The following COL12A1 variants were observed in gnomAD, a reference collection of about 807,000 sequenced individuals.
COL12A1 encodes collagen type XII alpha 1 chain.
In COL12A1, 114 loss-of-function variants were observed where a neutral mutation model predicts 349.7. The observed-to-expected ratio is 0.33, with a 90% confidence interval of 0.28 to 0.38. The LOEUF (loss-of-function observed/expected upper bound fraction) is 0.38, where lower values mean the gene tolerates loss of function less well. Ranked by LOEUF, COL12A1 falls within the 10% of genes least tolerant of loss-of-function variation. The pLI, the probability that COL12A1 is intolerant of heterozygous loss-of-function variation, is 1.00. For synonymous variants in COL12A1, 1,369 were observed against 1,329.0 expected, an observed-to-expected ratio of 1.03 and a Z score of -0.66; for missense variants, 3,284 against 3,756.9, an observed-to-expected ratio of 0.87 and a Z score of 3.29.
chr6:75,151,261 A>T lies in COL12A1; in HGVS notation c.4027T>A (p.Leu1343Ile), dbSNP rs766402601. The change falls in exon 21 of 66, where the codon TTA becomes ATA. Residue 1343 changes from leucine (L) to isoleucine (I), a missense_variant. Leu to Ile is a conservative substitution (Grantham distance 5). Around this residue, in one of 2 missense-constraint regions of COL12A1, gnomAD observed 2,601 missense variants for 2,824.8 expected, o/e 0.92. Coordinates refer to ENST00000322507, the MANE Select transcript of COL12A1 (RefSeq NM_004370.6). ...IGIKNADEVE[L>I]KMIATDPDDT... Reference sequence around the variant, plus strand: ...TCAGGATCAGTTGCAATCATCTTTAATTCGACTTCATCAGCATTTTTAATA... The same window carrying T: ...TCAGGATCAGTTGCAATCATCTTTATTTCGACTTCATCAGCATTTTTAATA... 11 of 1,613,176 alleles carry T rather than the reference A, an allele frequency of 6.8e-6. No individual in the cohort carries two copies. The highest frequency in any genetic ancestry group is 8.5e-6 in the Non-Finnish European group (10 of 1,179,458).
At chr6:75,131,264 T>C (rs569109903) in intron 35 of COL12A1, among the ~76,000 whole-genome samples, 9 of 152,282 alleles carry the variant, frequency 5.9e-5, no homozygotes, top group African/African-American at 1.2e-4. Context: ...GCAAAGCTCA[T>C]GATATTTCCC....
intron 45 of COL12A1, 56 bp from the exon 46 acceptor site, chr6:75,119,242 G>GC: frequency 6.2e-7 from 1 of 1,612,456 alleles, no homozygotes; most frequent in Non-Finnish European, 8.5e-7. Flanking sequence ...CTACCCAAAT[G>GC]CCATTAGTCA....
intron 39 of COL12A1, 100 bp from the exon 40 acceptor site, chr6:75,125,373 G>A (rs577654323): frequency 1.4e-5 from 16 of 1,129,540 alleles, no homozygotes; most frequent in Middle Eastern, 2.4e-4. Flanking sequence ...TTATGAACAC[G>A]ATTAATTCCA....
chr6:75,097,050 G>A (rs1180530352), intron 59 of COL12A1, among the ~76,000 whole-genome samples: 1 of 152,108 alleles, frequency 6.6e-6, no homozygotes, highest in Non-Finnish European at 1.5e-5. Flanking sequence ...TTTCTCAAGT[G>A]TAACTTGATT....
At chr6:75,109,952 T>C (rs1250149369) in intron 51 of COL12A1, among the ~76,000 whole-genome samples, 1 of 152,020 alleles carries the variant, frequency 6.6e-6, no homozygotes, top group Non-Finnish European at 1.5e-5. Flanking sequence ...GGCAGCAAAT[T>C]AAAAGGAACA....
chr6:75,148,415 G>A lies in COL12A1; in HGVS notation c.4230C>T (p.Asp1410=). The part of the protein sequence containing the change: ...SFRVSWTPPS[D]SVDRYKVEYY... ...ATTCCACCTTATATCGATCCACACT[G>A]TCAGAAGGTGGTGTCCAGCTCACTC... Residue 1410 remains aspartate, a synonymous_variant, in exon 22 of 66, where the codon GAC becomes GAT. Transcript: ENST00000322507. The A allele has an allele frequency of 1.9e-6, 3 of 1,613,408 alleles. No homozygotes were observed. Among genetic ancestry groups the A allele is most frequent in the Non-Finnish European group, 2.5e-6 (3 of 1,179,458 alleles).
intron 51 of COL12A1, among the ~76,000 whole-genome samples, chr6:75,110,030 A>G (rs1768754973): frequency 6.6e-6 from 1 of 152,022 alleles, no homozygotes; most frequent in Non-Finnish European, 1.5e-5. Context: ...TAAACTAAAT[A>G]TTTTTCCCAC....
At position 75,203,583 on chromosome 6, in the gene COL12A1, G is replaced by A. The variant is rs141449741; in HGVS notation, c.-35-756C>T. Reference sequence around the variant, plus strand: ...TTGTATTTAACTGTTTATTTAAGCTGGAAGATTATTAGTATACATACCCCA... The same window carrying A: ...TTGTATTTAACTGTTTATTTAAGCTAGAAGATTATTAGTATACATACCCCA... On this transcript the variant is annotated intron_variant, in intron 1 of 65. Transcript: ENST00000322507. Among the ~76,000 whole-genome samples, 644 of 152,206 alleles carry A rather than the reference G, an allele frequency of 4.2e-3. 4 individuals are homozygous for A. Among genetic ancestry groups the A allele is most frequent in the African/African-American group, 0.014 (594 of 41,512 alleles).
At chr6:75,135,000 C>G in intron 31 of COL12A1, 145 bp from the exon 32 acceptor site, 1 of 698,246 alleles carries the variant, frequency 1.4e-6, no homozygotes, top group African/African-American at 1.8e-5. Flanking sequence ...TTAACATACA[C>G]CTTGTGGTAT....
Position 75,183,883 on chromosome 6 carries a change from T to A in COL12A1, c.1259A>T (p.Glu420Val). ...MTSSEPISIM[E>V]KTQPMKVQVE... ...TTGAACTTTCATTGGCTGAGTCTTC[T>A]CCATTATTGAAATGGGTTCACTGGA... is the stretch of plus-strand genomic sequence containing the variant. Residue 420 changes from glutamate (E) to valine (V), a missense_variant, in exon 9 of 66, where the codon GAG (glutamate) becomes GTG (valine). Transcript: ENST00000322507. 3.7e-6 allele frequency: 6 copies of A among 1,614,212 alleles called. No individual in the cohort carries two copies. The highest frequency in any genetic ancestry group is 5.1e-6 in the Non-Finnish European group (6 of 1,180,028).
intron 65 of COL12A1, among the ~76,000 whole-genome samples, 181 bp from the exon 66 acceptor site, chr6:75,086,738 A>C (rs572088293): frequency 1.3e-5 from 2 of 151,248 alleles, no homozygotes; most frequent in South Asian, 4.2e-4. Flanking sequence ...TAAAGAATTA[A>C]ATTGCAATTT....
intron 8 of COL12A1, among the ~76,000 whole-genome samples, chr6:75,186,730 A>G (rs142588264): frequency 3.9e-4 from 60 of 152,334 alleles, no homozygotes; most frequent in African/African-American, 1.3e-3. Context: ...AACCCTATCA[A>G]TGATAGACTG....
At chr6:75,178,277 C>A (rs1022385808) in intron 11 of COL12A1, among the ~76,000 whole-genome samples, 2 of 152,134 alleles carry the variant, frequency 1.3e-5, no homozygotes, top group Admixed American at 6.5e-5. Flanking sequence ...CAAGTCATTT[C>A]TTTGAATATA....
chr6:75,204,417 T>G (rs1041727547), intron 1 of COL12A1, among the ~76,000 whole-genome samples: 2 of 152,144 alleles, frequency 1.3e-5, no homozygotes, highest in African/African-American at 4.8e-5. Flanking sequence ...GATCGCCACC[T>G]GTCGCTTTCC....
intron 23 of COL12A1, among the ~76,000 whole-genome samples, chr6:75,147,268 C>G (rs1158678228): frequency 1.3e-5 from 2 of 152,224 alleles, no homozygotes; most frequent in Non-Finnish European, 2.9e-5. Flanking sequence ...TTCCTCATAT[C>G]TTACTCCTGA....
chr6:75,123,906 C>A (rs747659553), intron 42 of COL12A1, 42 bp downstream of exon 42: 1 of 1,580,056 alleles, frequency 6.3e-7, no homozygotes, highest in Non-Finnish European at 8.6e-7. Flanking sequence ...GCATTCTATT[C>A]TAAAGCCTTA....
chr6:75,193,388 T>TA (rs1355207666), intron 3 of COL12A1, among the ~76,000 whole-genome samples: 1 of 152,122 alleles, frequency 6.6e-6, no homozygotes, highest in African/African-American at 2.4e-5. Flanking sequence ...ATCATCTTTT[T>TA]AAAAAAAGCT....
intron 14 of COL12A1, among the ~76,000 whole-genome samples, chr6:75,157,410 C>A: frequency 6.7e-6 from 1 of 149,782 alleles, no homozygotes; most frequent in East Asian, 2.0e-4. Flanking sequence ...TTCAAGTGGT[C>A]AAGAGCCATT....
chr6:75,137,909 G>A (rs974253409), intron 30 of COL12A1, among the ~76,000 whole-genome samples: 2 of 151,988 alleles, frequency 1.3e-5, no homozygotes, highest in African/African-American at 4.8e-5. Flanking sequence ...AGAGACATGA[G>A]AGAGTTTATT....
Sources: gnomAD v4.1 joint callset for allele counts (sites outside exome capture counted in the v4.1 genomes callset) on GRCh38, gnomAD v4.1.1 for gene constraint, gnomAD v4.1.1 regional missense constraint, MANE v1.5 for transcripts, NCBI Gene and HGNC (gene_info 2026-07-23, HGNC 2026-07-21) for gene names.